STIM1: variants seen among roughly 807,000 people sequenced by gnomAD.
STIM1 encodes the protein stromal interaction molecule 1.
A neutral mutation model predicts 74.7 loss-of-function variants in STIM1; 25 were observed. That is an observed-to-expected ratio of 0.33 (90% confidence interval 0.24 to 0.47). STIM1 has a LOEUF of 0.47. STIM1 is among the 20% of genes least tolerant of loss of function. STIM1 has a pLI of 1.00. For missense variants in STIM1, 728 were observed against 920.8 expected (o/e 0.79, Z 2.71); for synonymous variants, 328 against 348.8 (o/e 0.94, Z 0.66).
chr11:3,944,489 G>A lies in STIM1; in HGVS notation c.140-23063G>A, dbSNP rs184875473. 2.6e-5 allele frequency among the ~76,000 whole-genome samples: 4 copies of A among 152,328 alleles called. No individual in the cohort carries two copies. In the East Asian group the frequency reaches 7.7e-4, roughly 29 times the overall value. The stretch of plus-strand genomic sequence containing the variant: ...GAGTGGAGGGGGAAGTGGGATGGGA[G>A]TGATGGTAAGTTGAAAAGAGAATGG... On this transcript the variant is annotated intron_variant, in intron 1 of 12. Coordinates refer to ENST00000526596, the MANE Select transcript of STIM1 (RefSeq NM_001382567.1).
At chr11:4,006,318 C>T (rs961305919) in intron 2 of STIM1, among the ~76,000 whole-genome samples, 3 of 152,216 alleles carry the variant, frequency 2.0e-5, no homozygotes, top group Admixed American at 6.5e-5. Context: ...TCCCCAGAAG[C>T]AGAAGCTGCT....
At chr11:3,882,408 C>A (rs1268353913) in intron 1 of STIM1, among the ~76,000 whole-genome samples, 2 of 152,080 alleles carry the variant, frequency 1.3e-5, no homozygotes, top group African/African-American at 4.8e-5. Context: ...CACTCCATTC[C>A]TTTTTATGGC....
chr11:3,946,001 G>A (rs1339267265), intron 1 of STIM1, among the ~76,000 whole-genome samples: 2 of 152,136 alleles, frequency 1.3e-5, no homozygotes, highest in African/African-American at 4.8e-5. Context: ...CATGAAGACA[G>A]CATCAAGCCA....
In STIM1 at chr11:3,970,086, T is replaced by G. The variant is rs1288378946; in HGVS notation, c.270+2404T>G. Among the ~76,000 whole-genome samples, 7 of 151,966 alleles carry G rather than the reference T, an allele frequency of 4.6e-5. No homozygotes were observed. In the East Asian group the frequency reaches 1.3e-3, roughly 29 times the overall value. On this transcript the variant is annotated intron_variant, in intron 2 of 12. Transcript: ENST00000526596. Reference sequence around the variant, plus strand: ...TATGCTCCTCATCCTTTTTTTTTTTTTTTTGTTACATCCTGCTGAGTTGCT... The same window carrying G: ...TATGCTCCTCATCCTTTTTTTTTTTGTTTTGTTACATCCTGCTGAGTTGCT...
chr11:4,010,878 C>T (rs2093829384), intron 2 of STIM1, among the ~76,000 whole-genome samples: 7 of 152,110 alleles, frequency 4.6e-5, no homozygotes, highest in Admixed American at 4.6e-4. Context: ...CAGCCCCCAG[C>T]CCCCAACAGG....
At chr11:3,891,741 A>G (rs549618733) in intron 1 of STIM1, among the ~76,000 whole-genome samples, 8 of 152,296 alleles carry the variant, frequency 5.3e-5, no homozygotes, top group Non-Finnish European at 8.8e-5. Context: ...ATTTTTACCA[A>G]TGTGTTTATC....
intron 1 of STIM1, among the ~76,000 whole-genome samples, chr11:3,871,065 G>A (rs2091074574): frequency 6.6e-6 from 1 of 151,716 alleles, no homozygotes; most frequent in South Asian, 2.1e-4. Context: ...TAGAGACGGG[G>A]TTTCACCATG....
chr11:4,064,924 C>T (rs772599188), intron 5 of STIM1, among the ~76,000 whole-genome samples: 1 of 152,180 alleles, frequency 6.6e-6, no homozygotes, highest in Non-Finnish European at 1.5e-5. Context: ...TATCCATCTT[C>T]TACTTCCATT....
intron 2 of STIM1, among the ~76,000 whole-genome samples, chr11:4,011,419 C>A (rs1166021406): frequency 6.6e-6 from 1 of 152,080 alleles, no homozygotes; most frequent in Non-Finnish European, 1.5e-5. Flanking sequence ...TTCTAACTGG[C>A]GTGAGATAGT....
intron 1 of STIM1, among the ~76,000 whole-genome samples, chr11:3,963,185 A>G (rs1204458835): frequency 6.6e-6 from 1 of 152,214 alleles, no homozygotes; most frequent in Non-Finnish European, 1.5e-5. Flanking sequence ...TTCATCACCC[A>G]GGTATTAATC....
At chr11:4,005,423 C>G (rs2093768263) in intron 2 of STIM1, among the ~76,000 whole-genome samples, 1 of 152,140 alleles carries the variant, frequency 6.6e-6, no homozygotes, top group Non-Finnish European at 1.5e-5. Flanking sequence ...AGTTCATCTC[C>G]TTTGTAGGGA....
At chr11:3,856,902 A>G (rs2090395612) in intron 1 of STIM1, among the ~76,000 whole-genome samples, 1 of 151,682 alleles carries the variant, frequency 6.6e-6, no homozygotes, top group Admixed American at 6.6e-5. Context: ...CCCTAGTCCC[A>G]CCCTTCCCTT....
intron 1 of STIM1, among the ~76,000 whole-genome samples, chr11:3,895,359 T>G (rs2092029541): frequency 6.6e-6 from 1 of 152,216 alleles, no homozygotes; most frequent in Non-Finnish European, 1.5e-5. Flanking sequence ...GTCTTCTTCC[T>G]TGAGCTTCAA....
At chr11:4,065,656 G>T (rs1427562065) in intron 5 of STIM1, among the ~76,000 whole-genome samples, 2 of 152,176 alleles carry the variant, frequency 1.3e-5, no homozygotes, top group Non-Finnish European at 2.9e-5. Context: ...GACTACAGAA[G>T]TGAGGGGATT....
chr11:4,052,376 G>A (rs977719009), intron 3 of STIM1, among the ~76,000 whole-genome samples: 7 of 152,116 alleles, frequency 4.6e-5, no homozygotes, highest in African/African-American at 1.4e-4. Context: ...CATGGTACCG[G>A]TACCAAAACA....
chr11:4,024,866 A>AG lies in STIM1; in HGVS notation c.385+883dup, dbSNP rs2093986236. ...CTAATTGTGCGAGACTTGACAGGGA[A>AG]GGGGAAAACAGGGCTTTAGCTTCCT... On this transcript the variant is annotated intron_variant, in intron 3 of 12. Coordinates refer to ENST00000526596, the MANE Select transcript of STIM1 (RefSeq NM_001382567.1). Among the ~76,000 whole-genome samples the AG allele has an allele frequency of 2.6e-5, 4 of 152,280 alleles. No individual in the cohort carries two copies. The South Asian group carries it at 8.3e-4, about 32-fold the overall frequency.
intron 1 of STIM1, among the ~76,000 whole-genome samples, chr11:3,866,460 C>T (rs1200645149): frequency 6.8e-6 from 1 of 146,488 alleles, no homozygotes. Flanking sequence ...CAGAGTCTTG[C>T]TCTGTCCCCT....
intron 2 of STIM1, among the ~76,000 whole-genome samples, chr11:3,992,784 A>G (rs2093628171): frequency 6.6e-6 from 1 of 152,218 alleles, no homozygotes; most frequent in Non-Finnish European, 1.5e-5. Flanking sequence ...TGGATTCTAA[A>G]TATCATCTCA....
chr11:3,919,177 G>T (rs1345725442), intron 1 of STIM1, among the ~76,000 whole-genome samples: 1 of 152,158 alleles, frequency 6.6e-6, no homozygotes, highest in Non-Finnish European at 1.5e-5. Context: ...TGGGGCTGAA[G>T]ATGCCAAGGA....
Sources: allele counts gnomAD v4.1 joint callset (sites outside exome capture counted in the v4.1 genomes callset), GRCh38; gene constraint gnomAD v4.1.1; transcripts MANE v1.5; gene names NCBI Gene and HGNC (gene_info 2026-07-23, HGNC 2026-07-21).